Variants in ERAL1 observed in about 807,000 individuals in gnomAD.
ERAL1 encodes the protein Era like 12S mitochondrial rRNA chaperone 1.
A neutral mutation model predicts 53.6 loss-of-function variants in ERAL1; 36 were observed. The ratio of observed to expected loss-of-function variants is 0.67; its 90% CI spans 0.51 to 0.89. The LOEUF (loss-of-function observed/expected upper bound fraction) is 0.89. ERAL1 is among the 40% of genes least tolerant of loss of function. The pLI, the probability that ERAL1 is intolerant of heterozygous loss-of-function variation, is 0.00. For missense variants in ERAL1, 512 were observed against 537.5 expected, an observed-to-expected ratio of 0.95 and a Z score of 0.47; for synonymous variants, 215 against 211.8, an observed-to-expected ratio of 1.02 and a Z score of -0.13.
At chr17:28,857,813 C>G (rs2039260916) in intron 3 of ERAL1, 126 bp from the exon 4 acceptor site, 1 of 1,110,058 alleles carries the variant, frequency 9.0e-7, no homozygotes, top group Non-Finnish European at 1.3e-6. Context: ...AAAAACAAAC[C>G]TAAAGTCAAT....
At chr17:28,859,982 T>A (rs1034856511) in intron 9 of ERAL1, among the ~76,000 whole-genome samples, 1 of 151,650 alleles carries the variant, frequency 6.6e-6, no homozygotes, top group Non-Finnish European at 1.5e-5. Flanking sequence ...TTTATTTTTT[T>A]ATTTTTTTTT....
chr17:28,855,023 C>G lies in ERAL1; in HGVS notation c.-12C>G. On this transcript the variant is annotated 5_prime_UTR_variant, in exon 1 of 10. Coordinates refer to ENST00000254928, the MANE Select transcript of ERAL1 (RefSeq NM_005702.4). ...CGCTCCTGGTCGGTTCCCGCAGTGC[C>G]TTGCGGCTGTAATGGCTGCCCCCAG... The G allele has an allele frequency of 6.3e-7, 1 of 1,576,246 alleles. No homozygotes were observed. Among genetic ancestry groups the G allele is most frequent in the Non-Finnish European group, 8.6e-7 (1 of 1,159,214 alleles).
Position 28,855,184 on chromosome 17 carries a change from C to A in ERAL1, c.150C>A (p.Ser50=). 1.2e-6 allele frequency: 2 copies of A among 1,614,240 alleles called. No homozygotes were observed. Among genetic ancestry groups the A allele is most frequent in the Non-Finnish European group, 1.7e-6 (2 of 1,180,050 alleles). The part of the protein sequence containing the change: ...QRRCVSCVAG[S]AFSGPRLASA... ...GGTGCGTGTCCTGCGTCGCGGGGTCCGCTTTCTCTGGTCCCCGCTTGGCCT... is the reference window on the plus strand; with the variant it reads ...GGTGCGTGTCCTGCGTCGCGGGGTCAGCTTTCTCTGGTCCCCGCTTGGCCT... The change falls in exon 1 of 10, where the codon TCC becomes TCA. Residue 50 remains serine (S), a synonymous_variant. Coordinates refer to ENST00000254928, the MANE Select transcript of ERAL1 (RefSeq NM_005702.4).
rs750657799 is a variant in ERAL1 at position 28,855,249 on chromosome 17, A to T, written c.215A>T (p.His72Leu). Residue 72 changes from histidine (H) to leucine (L), a missense_variant, in exon 1 of 10, where the codon CAC becomes CTC. By Grantham distance (99) the His-to-Leu change is moderately conservative. Coordinates refer to ENST00000254928, the MANE Select transcript of ERAL1 (RefSeq NM_005702.4). ...RSNGQGSALD[H>L]FLGFSQPDSS... Reference sequence around the variant, plus strand: ...AATGGCCAGGGCTCTGCCCTGGACCACTTCCTCGGATTCTCTCAGCCCGAC... The same window carrying T: ...AATGGCCAGGGCTCTGCCCTGGACCTCTTCCTCGGATTCTCTCAGCCCGAC... The T allele has an allele frequency of 1.9e-6, 3 of 1,612,676 alleles. No homozygotes were observed. In the African/African-American group the frequency reaches 4.0e-5, roughly 22 times the overall value.
chr17:28,856,151 A>C, intron 1 of ERAL1, 113 bp from the exon 2 acceptor site: 155 of 1,330,606 alleles, frequency 1.2e-4, no homozygotes, highest in Non-Finnish European at 1.5e-4. Flanking sequence ...AGGTGACTTC[A>C]ACCTGGTGCA....
Position 28,858,368 on chromosome 17 carries a change from T to G in ERAL1, c.599-6T>G. ...TTTTCCTTCTTCCTGCCTTGCCATC[T>G]TCTAGTTGTGGTTCTTGTGGATGTC... On this transcript the variant is annotated splice_polypyrimidine_tract_variant and splice_region_variant and intron_variant, in intron 5 of 9. Transcript: ENST00000254928. 2.5e-6 allele frequency: 4 copies of G among 1,614,028 alleles called. No homozygotes were observed. Among genetic ancestry groups the G allele is most frequent in the Non-Finnish European group, 3.4e-6 (4 of 1,179,928 alleles).
chr17:28,855,196 T>A lies in ERAL1; in HGVS notation c.162T>A (p.Gly54=), dbSNP rs971249022. The change falls in exon 1 of 10, where the codon GGT becomes GGA. Residue 54 remains glycine (G), a synonymous_variant. Coordinates refer to ENST00000254928, the MANE Select transcript of ERAL1 (RefSeq NM_005702.4). ...VSCVAGSAFS[G]PRLASASRSN... ...GCGTCGCGGGGTCCGCTTTCTCTGGTCCCCGCTTGGCCTCGGCTTCTCGCA... is the reference window on the plus strand; with the variant it reads ...GCGTCGCGGGGTCCGCTTTCTCTGGACCCCGCTTGGCCTCGGCTTCTCGCA... 1 of 1,614,226 alleles carries A rather than the reference T, an allele frequency of 6.2e-7. No individual in the cohort carries two copies. The highest frequency in any genetic ancestry group is 8.5e-7 in the Non-Finnish European group (1 of 1,180,050).
intron 3 of ERAL1, 97 bp downstream of exon 3, chr17:28,856,679 C>A: frequency 3.6e-5 from 36 of 1,009,440 alleles, no homozygotes; most frequent in Non-Finnish European, 5.0e-5. Flanking sequence ...TGGTCACATT[C>A]ATTTATGTGA....
In ERAL1 at chr17:28,857,999, A is replaced by G. The variant is rs200777246; in HGVS notation, c.536+14A>G. ...TAAACAGAAGAGGTAATGGTGGTGG[A>G]ATTGGGGTGGATTGGCGGGGAGGTA... On this transcript the variant is annotated intron_variant, in intron 4 of 9. Coordinates refer to ENST00000254928, the MANE Select transcript of ERAL1 (RefSeq NM_005702.4). 3 of 1,614,046 alleles carry G rather than the reference A, an allele frequency of 1.9e-6. No homozygotes were observed. Among genetic ancestry groups the G allele is most frequent in the African/African-American group, 2.7e-5 (2 of 74,994 alleles).
chr17:28,860,603 G>C lies in ERAL1; in HGVS notation c.*50G>C. ...GCATTCCAGCTCAAGCTGCTGGCAG[G>C]AACTGACCAGTTCTGTCCTTGGCTG... is the stretch of plus-strand genomic sequence containing the variant. On this transcript the variant is annotated 3_prime_UTR_variant, in exon 10 of 10. Transcript: ENST00000254928. 1.3e-6 allele frequency: 2 copies of C among 1,545,840 alleles called. No homozygotes were observed. The highest frequency in any genetic ancestry group is 1.7e-6 in the Non-Finnish European group (2 of 1,151,468).
At chr17:28,859,381 CT>C (rs1483491624) in intron 9 of ERAL1, 98 bp downstream of exon 9, 10 of 1,136,944 alleles carry the variant, frequency 8.8e-6, no homozygotes, top group African/African-American at 4.7e-5. Flanking sequence ...ATCCTTCTCT[CT>C]TTTTTTCTTC....
rs374587408 is a variant in ERAL1, at chr17:28,858,835, C to G, written c.960+11C>G. Reference sequence around the variant, plus strand: ...GTGAAAACACTAAAGGTCAGTTAGTCTTGGCCATAGCCTGGCCCTTGGTTT... The same window carrying G: ...GTGAAAACACTAAAGGTCAGTTAGTGTTGGCCATAGCCTGGCCCTTGGTTT... On this transcript the variant is annotated intron_variant, in intron 7 of 9. Transcript: ENST00000254928. The G allele has an allele frequency of 1.9e-6, 3 of 1,614,122 alleles. No homozygotes were observed. The highest frequency in any genetic ancestry group is 2.5e-6 in the Non-Finnish European group (3 of 1,179,986).
At chr17:28,860,360 GCCC>G (rs1215369360) in intron 9 of ERAL1, 68 bp from the exon 10 acceptor site, 1 of 1,571,458 alleles carries the variant, frequency 6.4e-7, no homozygotes, top group Non-Finnish European at 8.7e-7. Context: ...TCTCACCTTA[GCCC>G]CCCAAGTAGC....
chr17:28,858,802 A>T lies in ERAL1; in HGVS notation c.938A>T (p.Gln313Leu). The T allele has an allele frequency of 6.2e-7, 1 of 1,614,218 alleles. No individual in the cohort carries two copies. Among genetic ancestry groups the T allele is most frequent in the Non-Finnish European group, 8.5e-7 (1 of 1,180,016 alleles). The change falls in exon 7 of 10, where the codon CAG becomes CTG. Residue 313 changes from glutamine to leucine, a missense_variant. Physicochemically the swap from Gln to Leu is moderately radical, Grantham distance 113 (BLOSUM62 -2). Coordinates refer to ENST00000254928, the MANE Select transcript of ERAL1 (RefSeq NM_005702.4). ...ATCTTCATGTTGTCAGCCCTAAGCC[A>T]GGAGGACGTGAAAACACTAAAGGTC... Reference protein sequence around the residue: ...KEIFMLSALSQEDVKTLKQYL... With the variant: ...KEIFMLSALSLEDVKTLKQYL...
chr17:28,860,465 C>T lies in ERAL1; in HGVS notation c.1226C>T (p.Ser409Phe). The change falls in exon 10 of 10, where the codon TCC becomes TTC. Residue 409 changes from serine (S) to phenylalanine (F), a missense_variant. Transcript: ENST00000254928. ...ATTGGTCCGAAGGGCCACGTGATCT[C>T]CCAGATAGCACAGGAGGCAGGCCAT... is the stretch of plus-strand genomic sequence containing the variant. ...LLIGPKGHVISQIAQEAGHDL... is the reference protein window; with the variant it reads ...LLIGPKGHVIFQIAQEAGHDL... 1 of 1,611,188 alleles carries T rather than the reference C, an allele frequency of 6.2e-7. No individual in the cohort carries two copies. The highest frequency in any genetic ancestry group is 8.5e-7 in the Non-Finnish European group (1 of 1,178,948).
chr17:28,855,931 G>A (rs1302031843), intron 1 of ERAL1, among the ~76,000 whole-genome samples: 2 of 152,080 alleles, frequency 1.3e-5, no homozygotes, highest in Non-Finnish European at 2.9e-5. Context: ...CTCAGGCACA[G>A]CTATACATTA....
rs374631954 is a variant in ERAL1, at chr17:28,859,808, G to A, written c.1191+525G>A. Among the ~76,000 whole-genome samples, 23 of 152,026 alleles carry A rather than the reference G, an allele frequency of 1.5e-4. No homozygotes were observed. In the South Asian group the frequency reaches 2.1e-3, roughly 14 times the overall value. The stretch of plus-strand genomic sequence containing the variant: ...GCCCACCTCAGCCTCCCAAAGTGCC[G>A]CCTGACTATCCGCTAATTTAAAAAA... On this transcript the variant is annotated intron_variant, in intron 9 of 9. Transcript: ENST00000254928.
chr17:28,859,320 A>G (rs2039279349), intron 9 of ERAL1, 37 bp downstream of exon 9: 1 of 1,603,246 alleles, frequency 6.2e-7, no homozygotes, highest in Non-Finnish European at 8.5e-7. Context: ...GATCAAGACT[A>G]TGTTAGGCAG....
chr17:28,857,169 A>AT (rs989021480), intron 3 of ERAL1, among the ~76,000 whole-genome samples: 8 of 145,710 alleles, frequency 5.5e-5, no homozygotes, highest in African/African-American at 2.0e-4. Context: ...GTTCAATGGC[A>AT]TGATCTCAGC....
Sources: gnomAD v4.1 joint callset for allele counts (sites outside exome capture counted in the v4.1 genomes callset) on GRCh38, gnomAD v4.1.1 for gene constraint, MANE v1.5 for transcripts, NCBI Gene and HGNC (gene_info 2026-07-23, HGNC 2026-07-21) for gene names.